ENTREP2: variants seen among roughly 807,000 people sequenced by gnomAD.
ENTREP2 encodes protein ENTREP2.
chr15:29,130,702 C>G, the ENTREP2 span, among the ~76,000 whole-genome samples: 2 of 152,150 alleles, frequency 1.3e-5, no homozygotes, highest in African/African-American at 2.4e-5. Flanking sequence ...TCCTGGGAGC[C>G]TATCTATCAC....
At chr15:29,649,727 C>CAAAAA in the ENTREP2 span, among the ~76,000 whole-genome samples, 104 of 66,880 alleles carry the variant, frequency 1.6e-3, no homozygotes, top group Non-Finnish European at 1.9e-3. Flanking sequence ...TCAACAACAA[C>CAAAAA]AAAAAAAAAA....
At chr15:29,540,139 A>G in the ENTREP2 span, among the ~76,000 whole-genome samples, 3 of 152,166 alleles carry the variant, frequency 2.0e-5, no homozygotes, top group African/African-American at 7.2e-5. Context: ...ACAGTCTTCC[A>G]GTTTAAATGA....
chr15:29,308,508 C>G, the ENTREP2 span, among the ~76,000 whole-genome samples: 38 of 152,356 alleles, frequency 2.5e-4, no homozygotes, highest in Non-Finnish European at 4.6e-4. Context: ...CCGAGTGGAC[C>G]TGCCCCTGAG....
the ENTREP2 span, chr15:29,266,035 A>T: frequency 1.3e-5 from 2 of 152,202 alleles, no homozygotes; most frequent in African/African-American, 4.8e-5. Context: ...TGACCAAAAG[A>T]AGTGAAAATG....
the ENTREP2 span, among the ~76,000 whole-genome samples, chr15:29,306,069 G>T: frequency 2.6e-5 from 4 of 152,254 alleles, no homozygotes; most frequent in Non-Finnish European, 5.9e-5. Flanking sequence ...CTGACTGCGG[G>T]ATTTGGCCAT....
chr15:29,648,034 G>C, the ENTREP2 span, among the ~76,000 whole-genome samples: 1 of 152,132 alleles, frequency 6.6e-6, no homozygotes, highest in Admixed American at 6.5e-5. Context: ...TGATGAAACT[G>C]ACCTTGTCAC....
the ENTREP2 span, among the ~76,000 whole-genome samples, chr15:29,499,151 T>C: frequency 2.6e-5 from 4 of 152,172 alleles, no homozygotes; most frequent in African/African-American, 9.7e-5. Flanking sequence ...AAGGTAATTA[T>C]TGATAAGAAC....
the ENTREP2 span, among the ~76,000 whole-genome samples, chr15:29,174,417 G>A: frequency 6.6e-6 from 1 of 152,130 alleles, no homozygotes; most frequent in Non-Finnish European, 1.5e-5. Context: ...GGCCAGGCAC[G>A]GTGGCTCACG....
the ENTREP2 span, among the ~76,000 whole-genome samples, chr15:29,330,933 C>G: frequency 6.6e-6 from 1 of 152,152 alleles, no homozygotes; most frequent in Non-Finnish European, 1.5e-5. Context: ...ATAAATATCA[C>G]AGCCAACCAC....
At chr15:29,524,726 G>A in the ENTREP2 span, among the ~76,000 whole-genome samples, 1 of 152,218 alleles carries the variant, frequency 6.6e-6, no homozygotes, top group Non-Finnish European at 1.5e-5. Context: ...GATCTAGAGG[G>A]GTGTCAGTCA....
the ENTREP2 span, among the ~76,000 whole-genome samples, chr15:29,336,348 G>A: frequency 6.6e-6 from 1 of 151,828 alleles, no homozygotes; most frequent in Admixed American, 6.6e-5. Context: ...GTCTCACTCT[G>A]TCACCCAGGC....
At chr15:29,614,836 T>C in the ENTREP2 span, among the ~76,000 whole-genome samples, 1 of 152,174 alleles carries the variant, frequency 6.6e-6, no homozygotes, top group Non-Finnish European at 1.5e-5. Context: ...GCTGGAAGAT[T>C]GCTTGAGCTT....
At chr15:29,289,155 C>G in the ENTREP2 span, among the ~76,000 whole-genome samples, 1 of 149,080 alleles carries the variant, frequency 6.7e-6, no homozygotes. Context: ...TGCAGCGAGC[C>G]AAGATCACGC....
At chr15:29,252,529 G>A in the ENTREP2 span, 3 of 1,074,094 alleles carry the variant, frequency 2.8e-6, no homozygotes, top group African/African-American at 4.7e-5. Context: ...GAGGCTCAAA[G>A]GAAAAATGAC....
the ENTREP2 span, among the ~76,000 whole-genome samples, chr15:29,414,453 A>G: frequency 3.4e-4 from 52 of 152,352 alleles, no homozygotes; most frequent in African/African-American, 1.2e-3. Context: ...GAAACCAACG[A>G]GAACAAAGAT....
the ENTREP2 span, chr15:29,136,557 G>A: frequency 1.3e-6 from 2 of 1,525,542 alleles, no homozygotes; most frequent in East Asian, 2.5e-5. Context: ...CAGAAGTGCT[G>A]ACAGCTCTCA....
the ENTREP2 span, among the ~76,000 whole-genome samples, chr15:29,621,820 G>A: frequency 3.3e-5 from 5 of 152,068 alleles, no homozygotes; most frequent in South Asian, 2.1e-4. Context: ...CACTGCGTTC[G>A]AAGCACTATC....
At chr15:29,249,750 G>C in the ENTREP2 span, among the ~76,000 whole-genome samples, 1 of 152,024 alleles carries the variant, frequency 6.6e-6, no homozygotes, top group African/African-American at 2.4e-5. Context: ...TCTGAGACTG[G>C]GTAATTTATA....
chr15:29,295,597 A>C, the ENTREP2 span, among the ~76,000 whole-genome samples: 2 of 152,230 alleles, frequency 1.3e-5, no homozygotes, highest in African/African-American at 4.8e-5. Flanking sequence ...ATAAGAGAAT[A>C]ACAATAGCTA....
Sources: gnomAD v4.1 joint callset for allele counts (sites outside exome capture counted in the v4.1 genomes callset) on GRCh38, gnomAD v4.1.1 for gene constraint, MANE v1.5 for transcripts, NCBI Gene and HGNC (gene_info 2026-07-23, HGNC 2026-07-21) for gene names.